The following FBP1 variants were observed in gnomAD, a reference collection of about 807,000 sequenced individuals.
FBP1 encodes fructose-1,6-bisphosphatase 1.
Under a neutral mutation model 29.9 loss-of-function variants are expected in FBP1, and 22 were observed. The observed-to-expected ratio is 0.74, with a 90% CI of 0.53 to 1.05. The LOEUF is 1.05. Among genes scored for constraint, FBP1 ranks in the 50% least tolerant of loss-of-function variants. The pLI is 0.00. For synonymous variants in FBP1, 175 were observed against 178.6 expected, an observed-to-expected ratio of 0.98 and a Z score of 0.16; for missense variants, 345 against 448.2, an observed-to-expected ratio of 0.77 and a Z score of 2.08.
chr9:94,629,564 A>C (rs1395495153), intron 1 of FBP1, among the ~76,000 whole-genome samples: 1 of 152,118 alleles, frequency 6.6e-6, no homozygotes, highest in African/African-American at 2.4e-5. Flanking sequence ...CCTCCAGGAG[A>C]TCTTCCATGG....
intron 1 of FBP1, among the ~76,000 whole-genome samples, chr9:94,632,986 A>C (rs1055721497): frequency 6.6e-6 from 1 of 152,232 alleles, no homozygotes; most frequent in African/African-American, 2.4e-5. Context: ...AGACAGGCAA[A>C]ACAGCCTGCA....
rs142561508 is a variant in FBP1, at chr9:94,620,466, C to T, written c.196G>A (p.Val66Met). The change falls in exon 2 of 7, where the codon GTG becomes ATG. Residue 66 changes from valine (V) to methionine (M), a missense_variant. Coordinates refer to ENST00000375326, the MANE Select transcript of FBP1 (RefSeq NM_000507.4). Reference protein sequence around the residue: ...HLYGIAGSTNVTGDQVKKLDV... With the variant: ...HLYGIAGSTNMTGDQVKKLDV... ...AGCTTCTTAACTTGATCACCTGTCA[C>T]GTTGGTAGAACCAGCAATGCCATAG... is the stretch of plus-strand genomic sequence containing the variant. 2.5e-6 allele frequency: 4 copies of T among 1,614,136 alleles called. No homozygotes were observed. In the East Asian group the frequency reaches 6.7e-5, roughly 27 times the overall value.
intron 1 of FBP1, among the ~76,000 whole-genome samples, chr9:94,628,787 T>C (rs1828062068): frequency 6.6e-6 from 1 of 152,188 alleles, no homozygotes; most frequent in African/African-American, 2.4e-5. Context: ...ACCCGGATAT[T>C]TGGTTTCCAT....
chr9:94,603,617 T>C, intron 6 of FBP1, 45 bp from the exon 7 acceptor site: 2 of 1,577,484 alleles, frequency 1.3e-6, no homozygotes, highest in Non-Finnish European at 1.7e-6. Context: ...TCAGAAGGTA[T>C]TGCGTAAAAA....
chr9:94,630,928 C>T (rs368349896), intron 1 of FBP1, among the ~76,000 whole-genome samples: 16 of 152,148 alleles, frequency 1.1e-4, no homozygotes, highest in African/African-American at 3.9e-4. Flanking sequence ...CCGCAGGCAT[C>T]CACTAAGTAA....
chr9:94,635,332 A>G lies in FBP1; in HGVS notation c.170+3809T>C, dbSNP rs551286178. On this transcript the variant is annotated intron_variant, in intron 1 of 6. Transcript: ENST00000375326. ...TGAGTCTCTTTCAGTCTAAAACTCA[A>G]TGATTCCATGAACATTTTAACAGGA... Among the ~76,000 whole-genome samples, 29 of 152,328 alleles carry G rather than the reference A, an allele frequency of 1.9e-4. 1 individual carries two copies. The highest frequency in any genetic ancestry group is 6.7e-4 in the African/African-American group (28 of 41,582).
chr9:94,637,491 T>G (rs1451727802), intron 1 of FBP1, among the ~76,000 whole-genome samples: 1 of 151,068 alleles, frequency 6.6e-6, no homozygotes, highest in African/African-American at 2.4e-5. Context: ...CTCTGCCTCC[T>G]GGGTTCAAGC....
intron 1 of FBP1, among the ~76,000 whole-genome samples, chr9:94,638,315 A>C (rs2131508352): frequency 6.6e-6 from 1 of 152,298 alleles, no homozygotes; most frequent in South Asian, 2.1e-4. Flanking sequence ...CCTGTCCCAG[A>C]GCTATGGAAG....
At chr9:94,613,800 G>C (rs373094375) in intron 3 of FBP1, among the ~76,000 whole-genome samples, 1 of 148,404 alleles carries the variant, frequency 6.7e-6, no homozygotes, top group African/African-American at 2.5e-5. Context: ...AAAAAAGGCC[G>C]GACGCAGTGG....
chr9:94,608,795 A>G (rs546428023), intron 4 of FBP1, among the ~76,000 whole-genome samples: 1 of 152,296 alleles, frequency 6.6e-6, no homozygotes, highest in South Asian at 2.1e-4. Flanking sequence ...CACCTCCAGC[A>G]GCCTATCTCG....
At chr9:94,605,641 T>C in intron 5 of FBP1, 65 bp from the exon 6 acceptor site, 2 of 1,541,782 alleles carry the variant, frequency 1.3e-6, no homozygotes, top group African/African-American at 2.7e-5. Flanking sequence ...TCTTGGTGTC[T>C]CCTAAGTTTC....
chr9:94,606,799 C>G lies in FBP1; in HGVS notation c.705+16G>C, dbSNP rs932999580. On this transcript the variant is annotated intron_variant, in intron 5 of 6. Coordinates refer to ENST00000375326, the MANE Select transcript of FBP1 (RefSeq NM_000507.4). ...ATGCCCAGAACCTGCACCACCCTCC[C>G]CGGGCCCTCACTTACTGGGGGGAAC... 1.2e-6 allele frequency: 2 copies of G among 1,612,052 alleles called. No homozygotes were observed. The highest frequency in any genetic ancestry group is 4.5e-5 in the East Asian group (2 of 44,854).
chr9:94,624,846 G>T lies in FBP1; in HGVS notation c.171-4355C>A, dbSNP rs142962598. 3.2e-3 allele frequency among the ~76,000 whole-genome samples: 480 copies of T among 152,174 alleles called. 3 individuals are homozygous for T. Among genetic ancestry groups the T allele is most frequent in the Non-Finnish European group, 3.8e-3 (261 of 68,004 alleles). ...TGTGCACATTTATACAAGTAATTTT[G>T]TAAAGCCTGAGGTCTTTTTCCTGTG... is the stretch of plus-strand genomic sequence containing the variant. On this transcript the variant is annotated intron_variant, in intron 1 of 6. Transcript: ENST00000375326.
intron 3 of FBP1, among the ~76,000 whole-genome samples, chr9:94,614,215 G>A (rs1324567659): frequency 2.1e-5 from 3 of 145,244 alleles, no homozygotes; most frequent in African/African-American, 7.5e-5. Context: ...GAGGGAGAAG[G>A]GGGAGGGACA....
intron 5 of FBP1, 117 bp from the exon 6 acceptor site, chr9:94,605,693 A>G: frequency 1.0e-6 from 1 of 1,001,516 alleles, no homozygotes; most frequent in East Asian, 2.6e-5. Context: ...CAAGGTATGT[A>G]TTTGGGGCTG....
rs1395972969 is a variant in FBP1, at chr9:94,606,942, TC to T, written c.577del (p.Glu193SerfsTer9). On this transcript the variant is annotated frameshift_variant, in exon 5 of 7. Coordinates refer to ENST00000375326, the MANE Select transcript of FBP1 (RefSeq NM_000507.4). LOFTEE classifies it high-confidence loss of function. The stretch of plus-strand genomic sequence containing the variant: ...CACATCCTTGTCCACCAAAATGAAC[TC>T]CCCGATGGCCTTTTTAGACAAGGAA... The part of the protein sequence containing the change: ...NCFMLDPAIG[E>X]FILVDKDVKI... 2 of 1,613,986 alleles carry T rather than the reference TC, an allele frequency of 1.2e-6. No individual in the cohort carries two copies. Among genetic ancestry groups the T allele is most frequent in the African/African-American group, 1.3e-5 (1 of 74,904 alleles).
chr9:94,619,101 T>C (rs1192818911), intron 2 of FBP1, among the ~76,000 whole-genome samples: 2 of 152,036 alleles, frequency 1.3e-5, no homozygotes, highest in South Asian at 4.2e-4. Context: ...TGAAGGCCCA[T>C]GATAGACAAG....
chr9:94,607,101 G>T lies in FBP1; in HGVS notation c.568-149C>A. 6 of 889,404 alleles carry T rather than the reference G, an allele frequency of 6.7e-6. 1 individual carries two copies. In the Admixed American group the frequency reaches 9.2e-5, roughly 14 times the overall value. The allele number at this position is 889,404 out of a possible 1,614,324, so 55.1% of individuals were successfully genotyped here. On this transcript the variant is annotated intron_variant, in intron 4 of 6. Transcript: ENST00000375326. ...CTTGGGGCCCCGAGACACCTGCCAG[G>T]CTCTCTGGGAACTGTGAATGGGGTG...
At chr9:94,605,106 G>A in intron 6 of FBP1, among the ~76,000 whole-genome samples, 1 of 152,188 alleles carries the variant, frequency 6.6e-6, no homozygotes, top group East Asian at 1.9e-4. Flanking sequence ...ATACACATTT[G>A]ATTCGCTGCC....
Sources: gnomAD v4.1 joint callset for allele counts (sites outside exome capture counted in the v4.1 genomes callset) on GRCh38, gnomAD v4.1.1 for gene constraint, MANE v1.5 for transcripts, NCBI Gene and HGNC (gene_info 2026-07-23, HGNC 2026-07-21) for gene names.